Variants in SPOCK3 observed in about 807,000 individuals in gnomAD.
SPOCK3 encodes testican-3.
A neutral mutation model predicts 56.6 loss-of-function variants in SPOCK3; 30 were observed. The observed-to-expected ratio is 0.53, with a 90% CI of 0.40 to 0.72. The LOEUF (loss-of-function observed/expected upper bound fraction) is 0.72, where lower values mean the gene tolerates loss of function less well. SPOCK3 is among the 30% of genes least tolerant of loss of function. SPOCK3 has a pLI of 0.00. For missense variants in SPOCK3, 527 were observed against 530.0 expected (o/e 0.99, Z 0.06); for synonymous variants, 196 against 183.3 (o/e 1.07, Z -0.56).
At chr4:167,216,831 G>A (rs867531883) in intron 2 of SPOCK3, among the ~76,000 whole-genome samples, 4 of 151,752 alleles carry the variant, frequency 2.6e-5, no homozygotes, top group African/African-American at 7.3e-5. Context: ...GAGTTTCTGC[G>A]CCCCAAAATA....
chr4:167,078,547 T>G (rs1444188663), intron 2 of SPOCK3, among the ~76,000 whole-genome samples: 4 of 151,760 alleles, frequency 2.6e-5, no homozygotes, highest in Non-Finnish European at 5.9e-5. Flanking sequence ...GGTTGATGTA[T>G]GCATTCTGGA....
chr4:167,138,330 A>T (rs1763276959), intron 2 of SPOCK3, among the ~76,000 whole-genome samples: 1 of 151,798 alleles, frequency 6.6e-6, no homozygotes, highest in Non-Finnish European at 1.5e-5. Context: ...TATTTACTGA[A>T]TTTTTGTCAC....
At chr4:166,795,996 C>T (rs1275540657) in intron 6 of SPOCK3, among the ~76,000 whole-genome samples, 1 of 152,130 alleles carries the variant, frequency 6.6e-6, no homozygotes, top group African/African-American at 2.4e-5. Flanking sequence ...CATTAGTGCT[C>T]TTTTAAAATG....
rs59234659 is a variant in SPOCK3 at position 166,938,955 on chromosome 4, C to CCACACACACACA, written c.351-26224_351-26213dup. Among the ~76,000 whole-genome samples, 77 of 148,432 alleles carry CCACACACACACA rather than the reference C, an allele frequency of 5.2e-4. 1 individual carries two copies. The highest frequency in any genetic ancestry group is 1.9e-3 in the African/African-American group (77 of 40,696). ...ATATATAAAGACACACATACACACA[C>CCACACACACACA]CACACACACACACACACACACACAC... On this transcript the variant is annotated intron_variant, in intron 4 of 10. Coordinates refer to ENST00000357545, the MANE Select transcript of SPOCK3 (RefSeq NM_001040159.2).
chr4:166,930,994 CT>C (rs1315511397), intron 4 of SPOCK3, among the ~76,000 whole-genome samples: 1 of 151,490 alleles, frequency 6.6e-6, no homozygotes, highest in African/African-American at 2.4e-5. Flanking sequence ...AACAATTTTC[CT>C]TTTTTTTGAC....
At chr4:167,092,728 G>A (rs1758807058) in intron 2 of SPOCK3, among the ~76,000 whole-genome samples, 1 of 152,048 alleles carries the variant, frequency 6.6e-6, no homozygotes. Context: ...CACATACTGA[G>A]GAAAATGCTG....
chr4:166,976,954 T>C (rs1199869659), intron 4 of SPOCK3, among the ~76,000 whole-genome samples: 5 of 151,828 alleles, frequency 3.3e-5, no homozygotes, highest in African/African-American at 4.8e-5. Flanking sequence ...TAAAATTAAA[T>C]TTTTATATGC....
chr4:166,893,500 G>A (rs940325754), intron 5 of SPOCK3, among the ~76,000 whole-genome samples: 14 of 152,106 alleles, frequency 9.2e-5, no homozygotes, highest in South Asian at 2.1e-4. Context: ...CAGTTTAGAT[G>A]TATTATTCTT....
chr4:167,013,899 G>T (rs1750339168), intron 3 of SPOCK3, among the ~76,000 whole-genome samples: 1 of 152,062 alleles, frequency 6.6e-6, no homozygotes, highest in Admixed American at 6.6e-5. Context: ...ATAATTGTGT[G>T]ATTTAACTAG....
chr4:166,796,196 TTAG>T (rs1381339316), intron 6 of SPOCK3, among the ~76,000 whole-genome samples: 1 of 152,204 alleles, frequency 6.6e-6, no homozygotes, highest in African/African-American at 2.4e-5. Context: ...TCTGTTATTC[TTAG>T]TAGACTAAAT....
intron 2 of SPOCK3, among the ~76,000 whole-genome samples, chr4:167,192,560 G>A (rs551509948): frequency 3.4e-5 from 5 of 145,238 alleles, no homozygotes; most frequent in South Asian, 2.1e-4. Context: ...TAAGAAAAAC[G>A]CTCTTACCTT....
At chr4:167,198,552 T>C (rs1733191257) in intron 2 of SPOCK3, among the ~76,000 whole-genome samples, 3 of 152,222 alleles carry the variant, frequency 2.0e-5, no homozygotes. Flanking sequence ...ACAAGGCCAG[T>C]ATATACAATC....
At chr4:167,144,428 C>T (rs779143498) in intron 2 of SPOCK3, among the ~76,000 whole-genome samples, 7 of 151,758 alleles carry the variant, frequency 4.6e-5, no homozygotes, top group Admixed American at 1.3e-4. Flanking sequence ...AAAACATAGC[C>T]GCTCAATGCT....
chr4:167,202,564 T>C (rs1733619584), intron 2 of SPOCK3, among the ~76,000 whole-genome samples: 1 of 151,990 alleles, frequency 6.6e-6, no homozygotes, highest in Non-Finnish European at 1.5e-5. Context: ...AATAACCCAA[T>C]TGTTACTATT....
At chr4:167,146,507 C>T (rs1014697231) in intron 2 of SPOCK3, among the ~76,000 whole-genome samples, 6 of 152,154 alleles carry the variant, frequency 3.9e-5, no homozygotes, top group Admixed American at 2.6e-4. Context: ...ACAGAATATA[C>T]ATTCTTCTCA....
At chr4:166,914,757 G>A (rs747775740) in intron 4 of SPOCK3, among the ~76,000 whole-genome samples, 22 of 151,994 alleles carry the variant, frequency 1.4e-4, no homozygotes, top group South Asian at 2.1e-4. Context: ...GCGAAACTCC[G>A]TCTCAAAAAA....
At chr4:167,030,116 TC>T (rs1432994998) in intron 3 of SPOCK3, among the ~76,000 whole-genome samples, 260 of 151,932 alleles carry the variant, frequency 1.7e-3, no homozygotes, top group African/African-American at 5.6e-3. Flanking sequence ...TATCTATCTA[TC>T]TATCTATCTA....
rs977748553 is a variant in SPOCK3, at chr4:166,860,170, C to A, written c.589+28960G>T. ...AAGTCAAATAAAAGAAATCTATTGA[C>A]AGTGAATTTTTAGGGCTCTCTAGGG... On this transcript the variant is annotated intron_variant, in intron 6 of 10. Coordinates refer to ENST00000357545, the MANE Select transcript of SPOCK3 (RefSeq NM_001040159.2). Among the ~76,000 whole-genome samples the A allele has an allele frequency of 2.0e-5, 3 of 152,052 alleles. 1 individual carries two copies. Among genetic ancestry groups the A allele is most frequent in the Non-Finnish European group, 4.4e-5 (3 of 67,976 alleles).
chr4:167,102,733 C>A (rs780083123), intron 2 of SPOCK3, among the ~76,000 whole-genome samples: 2 of 151,842 alleles, frequency 1.3e-5, no homozygotes, highest in South Asian at 2.1e-4. Context: ...TCCATCCCAG[C>A]GGTTGAAACG....
Sources: gnomAD v4.1 joint callset for allele counts (sites outside exome capture counted in the v4.1 genomes callset) on GRCh38, gnomAD v4.1.1 for gene constraint, MANE v1.5 for transcripts, NCBI Gene and HGNC (gene_info 2026-07-23, HGNC 2026-07-21) for gene names.